The following FRY variants were observed in gnomAD, a reference collection of about 807,000 sequenced individuals.
FRY encodes the protein FRY microtubule binding protein.
FRY carries 128 observed loss-of-function variants against 348.4 expected under a neutral mutation model. That is an observed-to-expected ratio of 0.37 (90% CI 0.32 to 0.43). The LOEUF is 0.43. FRY is among the 20% of genes least tolerant of loss of function. The pLI, the probability that FRY is intolerant of heterozygous loss-of-function variation, is 1.00. For missense variants in FRY, 2,736 were observed against 3,695.2 expected, an observed-to-expected ratio of 0.74 and a Z score of 6.73; for synonymous variants, 1,370 against 1,374.7, an observed-to-expected ratio of 1.00 and a Z score of 0.08.
In FRY at chr13:32,275,048, A is replaced by C. The variant is rs371838344; in HGVS notation, c.8286+57A>C. On this transcript the variant is annotated intron_variant, in intron 56 of 60. Coordinates refer to ENST00000542859, the MANE Select transcript of FRY (RefSeq NM_023037.3). ...GGGCCTACGCAACCTACAGTGCAGA[A>C]CTTCAGGGTAGCATGTTTGCGCTGT... is the stretch of plus-strand genomic sequence containing the variant. 1.3e-4 allele frequency: 191 copies of C among 1,453,018 alleles called. 10 individuals are homozygous for C. Among genetic ancestry groups the C allele is most frequent in the East Asian group, 9.8e-4 (43 of 44,008 alleles). 90.0% of individuals were successfully genotyped at this position (1,453,018 alleles called of 1,614,324 possible).
At chr13:32,162,180 C>T (rs192802324) in intron 17 of FRY, among the ~76,000 whole-genome samples, 2 of 152,288 alleles carry the variant, frequency 1.3e-5, no homozygotes, top group East Asian at 3.9e-4. Context: ...AAATTTTAAG[C>T]TGGCGAATAA....
intron 17 of FRY, among the ~76,000 whole-genome samples, chr13:32,169,677 C>G (rs1881945159): frequency 6.6e-6 from 1 of 152,202 alleles, no homozygotes; most frequent in African/African-American, 2.4e-5. Context: ...ACACCTCACT[C>G]TTGCAGGCAC....
intron 58 of FRY, among the ~76,000 whole-genome samples, chr13:32,280,555 A>G (rs1483889765): frequency 6.6e-6 from 1 of 152,228 alleles, no homozygotes; most frequent in Admixed American, 6.5e-5. Context: ...GTTAAGACAA[A>G]TGCAGTCCAG....
chr13:32,179,775 G>C lies in FRY; in HGVS notation c.2972G>C (p.Gly991Ala). 1 of 1,613,784 alleles carries C rather than the reference G, an allele frequency of 6.2e-7. No individual in the cohort carries two copies. The stretch of plus-strand genomic sequence containing the variant: ...ACAGAGTCCTTAGTTTTAGGATTTG[G>C]AAGAACAAATTCCCTTGTTTTCAGG... ...EITESLVLGF[G>A]RTNSLVFREL... The change falls in exon 23 of 61, where the codon GGA becomes GCA. Residue 991 changes from glycine (G) to alanine (A), a missense_variant. Gly to Ala is a moderately conservative substitution (Grantham distance 60). This residue lies in a region of FRY where 449 missense variants were observed against 576.9 expected (regional missense o/e 0.78). Transcript: ENST00000542859.
In FRY at chr13:32,237,294, GCAGTGTTTCT is replaced by G; in HGVS notation, c.5811-79_5811-70del. On this transcript the variant is annotated intron_variant, in intron 43 of 60. Transcript: ENST00000542859. This position sits in a 1 kb window ranked among gnomAD's most constrained non-coding sequence, Gnocchi z 6.3. ...ATTTCTAAAGAATGATTTCCCTCCT[GCAGTGTTTCT>G]CAGTGGACTTGAAAGGACTGGCTTT... 7.9e-7 allele frequency: 1 copy of G among 1,263,142 alleles called. No homozygotes were observed. The highest frequency in any genetic ancestry group is 2.3e-5 in the East Asian group (1 of 43,374). The allele number at this position is 1,263,142 out of a possible 1,614,324, so 78.2% of individuals were successfully genotyped here.
At chr13:32,114,136 ATC>A (rs1214712129) in intron 3 of FRY, among the ~76,000 whole-genome samples, 2 of 152,212 alleles carry the variant, frequency 1.3e-5, no homozygotes, top group African/African-American at 4.8e-5. Context: ...GTAAGTTTCC[ATC>A]TCTTTTATGG....
At chr13:32,132,366 A>G (rs192979742) in intron 8 of FRY, among the ~76,000 whole-genome samples, 1 of 152,098 alleles carries the variant, frequency 6.6e-6, no homozygotes, top group African/African-American at 2.4e-5. Context: ...CTTAGAGTTT[A>G]CAAAACTTTG....
chr13:32,247,511 C>CTA lies in FRY; in HGVS notation c.7008+11_7008+12dup. ...ACTTCGATATTTCGGAGGTACTTAGCTATGTTAACTATTTCTGTGAACTTT... is the reference window on the plus strand; with the variant it reads ...ACTTCGATATTTCGGAGGTACTTAGCTATATGTTAACTATTTCTGTGAACTTT... On this transcript the variant is annotated intron_variant, in intron 48 of 60. Transcript: ENST00000542859. 1 of 1,597,466 alleles carries CTA rather than the reference C, an allele frequency of 6.3e-7. No homozygotes were observed. The highest frequency in any genetic ancestry group is 1.3e-5 in the African/African-American group (1 of 74,694).
chr13:32,096,780 G>A (rs183102934), intron 2 of FRY, among the ~76,000 whole-genome samples: 1 of 119,584 alleles, frequency 8.4e-6, no homozygotes, highest in African/African-American at 3.2e-5. Context: ...TTCAGCCTGG[G>A]TGACAGAGCA....
intron 14 of FRY, among the ~76,000 whole-genome samples, chr13:32,152,733 A>G (rs188009365): frequency 3.3e-4 from 50 of 152,294 alleles, no homozygotes; most frequent in Admixed American, 2.8e-3. Context: ...CTAGGACATA[A>G]AAGTCATAAA....
chr13:32,157,473 A>C, intron 16 of FRY, 68 bp downstream of exon 16: 215 of 1,429,640 alleles, frequency 1.5e-4, no homozygotes, highest in Non-Finnish European at 1.9e-4. Flanking sequence ...GAGTATTCTC[A>C]TTTATTCTGT....
At chr13:32,156,618 A>C (rs1374222424) in intron 15 of FRY, among the ~76,000 whole-genome samples, 2 of 145,630 alleles carry the variant, frequency 1.4e-5, no homozygotes, top group East Asian at 2.0e-4. Context: ...AAAAAAAAAA[A>C]AAACAGATGT....
At chr13:32,186,025 T>C (rs1054926215) in intron 26 of FRY, among the ~76,000 whole-genome samples, 2 of 152,206 alleles carry the variant, frequency 1.3e-5, no homozygotes, top group Non-Finnish European at 2.9e-5. Flanking sequence ...GTCCTATTTT[T>C]GATCTTTCTT....
intron 2 of FRY, among the ~76,000 whole-genome samples, chr13:32,095,188 G>A (rs1189432366): frequency 9.4e-5 from 5 of 53,090 alleles, no homozygotes; most frequent in South Asian, 7.4e-4. Context: ...TTTTTTGATC[G>A]GATGATTAGA....
chr13:32,270,083 G>A (rs1436706443), intron 55 of FRY, among the ~76,000 whole-genome samples: 1 of 152,140 alleles, frequency 6.6e-6, no homozygotes, highest in Non-Finnish European at 1.5e-5. Context: ...AAGAATTCTA[G>A]AAATACTTTA....
chr13:32,066,552 C>T (rs568545402), intron 1 of FRY, among the ~76,000 whole-genome samples: 4 of 152,340 alleles, frequency 2.6e-5, no homozygotes, highest in African/African-American at 7.2e-5. Flanking sequence ...GCCACTTCTT[C>T]AGCACCTTAA....
At chr13:32,202,245 A>C in intron 30 of FRY, 111 bp from the exon 31 acceptor site, 2 of 905,010 alleles carry the variant, frequency 2.2e-6, no homozygotes, top group Admixed American at 3.6e-5. Context: ...TCTATTTTTA[A>C]ATGGGAATTA....
intron 1 of FRY, among the ~76,000 whole-genome samples, chr13:32,078,167 A>G (rs1267160379): frequency 2.6e-5 from 4 of 152,232 alleles, no homozygotes; most frequent in Admixed American, 1.3e-4. Context: ...TTGAAGATAT[A>G]GTACTAGTGG....
intron 1 of FRY, among the ~76,000 whole-genome samples, chr13:32,069,994 T>C (rs1874528845): frequency 6.6e-6 from 1 of 152,024 alleles, no homozygotes; most frequent in Non-Finnish European, 1.5e-5. Context: ...ATAGTTTGCT[T>C]AGAATGATGG....
Sources: allele counts gnomAD v4.1 joint callset (sites outside exome capture counted in the v4.1 genomes callset), GRCh38; gene constraint gnomAD v4.1.1; regional missense constraint gnomAD v4.1.1; non-coding constraint Gnocchi (gnomAD v3.1); transcripts MANE v1.5; gene names NCBI Gene and HGNC (gene_info 2026-07-23, HGNC 2026-07-21).